The following ICE1 variants were observed in gnomAD, a reference collection of about 807,000 sequenced individuals.
ICE1 encodes the protein interactor of little elongation complex ELL subunit 1, also known as little elongation complex subunit 1.
A neutral mutation model predicts 192.7 loss-of-function variants in ICE1; 64 were observed. The observed-to-expected ratio is 0.33, with a 90% CI of 0.27 to 0.41. ICE1 has a LOEUF of 0.41. ICE1 is among the 10% of genes least tolerant of loss of function. The probability of loss-of-function intolerance (pLI) is 1.00; values close to 1 mark genes in which losing one functional copy is unlikely to be tolerated. For missense variants in ICE1, 2,708 were observed against 2,696.0 expected (o/e 1.00, Z -0.10); for synonymous variants, 1,010 against 984.5 (o/e 1.03, Z -0.49).
rs1355728417 is a variant in ICE1, at chr5:5,443,061, C to T, written c.310-107C>T. On this transcript the variant is annotated intron_variant, in intron 5 of 18. Coordinates refer to ENST00000296564, the MANE Select transcript of ICE1 (RefSeq NM_015325.3). Reference sequence around the variant, plus strand: ...AATATTCAGTGACTATTTTTTCTGCCTAATGTCTGTTTATTTGGTTAATAG... The same window carrying T: ...AATATTCAGTGACTATTTTTTCTGCTTAATGTCTGTTTATTTGGTTAATAG... 6 of 613,816 alleles carry T rather than the reference C, an allele frequency of 9.8e-6. No homozygotes were observed. The South Asian group carries it at 1.2e-4, about 12-fold the overall frequency. The allele number at this position is 613,816 out of a possible 1,614,324, so 38.0% of individuals were successfully genotyped here. A position where few individuals can be genotyped will look rare whatever the true frequency, so the allele number is the denominator to read the frequency against.
At chr5:5,427,081 C>T (rs1010189785) in intron 1 of ICE1, among the ~76,000 whole-genome samples, 5 of 152,134 alleles carry the variant, frequency 3.3e-5, no homozygotes, top group Non-Finnish European at 7.4e-5. Flanking sequence ...ATTTCTTAAT[C>T]CTCCCTGTCC....
rs370153380 is a variant in ICE1, at chr5:5,479,944, G to C, written c.6520+3865G>C. Among the ~76,000 whole-genome samples, 6 of 152,262 alleles carry C rather than the reference G, an allele frequency of 3.9e-5. No homozygotes were observed. In the South Asian group the frequency reaches 1.2e-3, roughly 32 times the overall value. ...CACACTGGGGCCTGTCGGGGCATGG[G>C]GGGTAAGGGGAGGGAGAGCATTAGG... On this transcript the variant is annotated intron_variant, in intron 17 of 18. Transcript: ENST00000296564.
At position 5,461,554 on chromosome 5, in the gene ICE1, G is replaced by T; in HGVS notation, c.2220G>T (p.Arg740=). 1 of 1,613,110 alleles carries T rather than the reference G, an allele frequency of 6.2e-7. No homozygotes were observed. The highest frequency in any genetic ancestry group is 8.5e-7 in the Non-Finnish European group (1 of 1,179,482). The change falls in exon 13 of 19, where the codon CGG becomes CGT. Residue 740 remains arginine (R), a synonymous_variant. Coordinates refer to ENST00000296564, the MANE Select transcript of ICE1 (RefSeq NM_015325.3). ...TGACCAAAATACATTCACTTCCTCG[G>T]TCAGTATTTATGAAAGCTACAAAAG... is the stretch of plus-strand genomic sequence containing the variant. ...KGLTKIHSLP[R]SVFMKATKDG...
At chr5:5,458,373 C>T (rs1738648693) in intron 12 of ICE1, among the ~76,000 whole-genome samples, 1 of 152,122 alleles carries the variant, frequency 6.6e-6, no homozygotes, top group Admixed American at 6.5e-5. Context: ...GATGCCATTG[C>T]CTCTCAGTGG....
In ICE1 at chr5:5,462,846, C is replaced by G. The variant is rs761534137; in HGVS notation, c.3512C>G (p.Ser1171Cys). The G allele has an allele frequency of 5.0e-6, 8 of 1,609,176 alleles. No individual in the cohort carries two copies. In the South Asian group the frequency reaches 7.8e-5, roughly 16 times the overall value. Reference sequence around the variant, plus strand: ...ACTTTTTCTGAGCTGGATAGACTTTCCACATCAGAGGTTGTGATGTTTCTT... The same window carrying G: ...ACTTTTTCTGAGCTGGATAGACTTTGCACATCAGAGGTTGTGATGTTTCTT... ...ISTFSELDRL[S>C]TSEVVMFLES... The change falls in exon 13 of 19, where the codon TCC becomes TGC. Residue 1171 changes from serine (S) to cysteine (C), a missense_variant. Physicochemically the swap from Ser to Cys is moderately radical, Grantham distance 112. Around this residue, in one of 2 missense-constraint regions of ICE1, gnomAD observed 2,366 missense variants for 2,276.6 expected, o/e 1.04. Coordinates refer to ENST00000296564, the MANE Select transcript of ICE1 (RefSeq NM_015325.3).
At position 5,490,183 on chromosome 5, in the gene ICE1, A is replaced by G. The variant is rs555907092; in HGVS notation, c.*853A>G. 7 of 152,084 alleles carry G rather than the reference A, an allele frequency of 4.6e-5. No individual in the cohort carries two copies. The East Asian group carries it at 1.2e-3, about 25-fold the overall frequency. The allele number at this position is 152,084 out of a possible 1,614,324, so 9.4% of individuals were successfully genotyped here. A position where few individuals can be genotyped will look rare whatever the true frequency, so the allele number is the denominator to read the frequency against. ...ATTCGTTATTTCTTAAAACTCTTGT[A>G]TGTGTTTTTATAATAAAAAATAAAA... On this transcript the variant is annotated 3_prime_UTR_variant, in exon 19 of 19. Transcript: ENST00000296564.
chr5:5,440,014 T>C (rs1737990514), intron 4 of ICE1, 101 bp downstream of exon 4: 2 of 680,264 alleles, frequency 2.9e-6, no homozygotes, highest in Non-Finnish European at 4.9e-6. Context: ...TTGAGCAAAA[T>C]GTACATAGGA....
At chr5:5,449,890 A>G (rs930026042) in intron 10 of ICE1, among the ~76,000 whole-genome samples, 2 of 152,182 alleles carry the variant, frequency 1.3e-5, no homozygotes, top group Admixed American at 1.3e-4. Flanking sequence ...TTCCCAGAAA[A>G]CAAGATGTTT....
At chr5:5,456,381 TTTTA>T (rs1738580509) in intron 11 of ICE1, among the ~76,000 whole-genome samples, 2 of 152,242 alleles carry the variant, frequency 1.3e-5, no homozygotes. Context: ...AATAGTGATT[TTTTA>T]TTTGTCTCAT....
intron 1 of ICE1, among the ~76,000 whole-genome samples, chr5:5,424,309 A>G (rs1284586136): frequency 1.3e-5 from 2 of 152,124 alleles, no homozygotes; most frequent in Non-Finnish European, 2.9e-5. Context: ...TGCTTTTGTG[A>G]GTAGAAGGAG....
At position 5,482,017 on chromosome 5, in the gene ICE1, A is replaced by G. The variant is rs930544794; in HGVS notation, c.6521-4704A>G. On this transcript the variant is annotated intron_variant, in intron 17 of 18. Transcript: ENST00000296564. The stretch of plus-strand genomic sequence containing the variant: ...ACTAAGCGACCTGTGACTGTACTTT[A>G]CCTTTCATTTAGATGTCACAAAACT... 1.3e-5 allele frequency among the ~76,000 whole-genome samples: 2 copies of G among 152,206 alleles called. 1 individual carries two copies. The highest frequency in any genetic ancestry group is 6.3e-3 in the Middle Eastern group (2 of 316).
intron 6 of ICE1, among the ~76,000 whole-genome samples, chr5:5,443,680 A>C (rs1264793488): frequency 6.6e-6 from 1 of 152,170 alleles, no homozygotes; most frequent in Admixed American, 6.5e-5. Flanking sequence ...TGGAATGGGT[A>C]TCTTTGCTAC....
intron 10 of ICE1, 32 bp downstream of exon 10, chr5:5,447,929 G>A (rs1458449744): frequency 1.3e-6 from 2 of 1,502,404 alleles, no homozygotes; most frequent in Admixed American, 2.0e-5. Context: ...TTTTAATGTT[G>A]TGTATTGCTC....
chr5:5,479,083 C>T (rs985200214), intron 17 of ICE1, among the ~76,000 whole-genome samples: 1 of 152,232 alleles, frequency 6.6e-6, no homozygotes, highest in African/African-American at 2.4e-5. Flanking sequence ...GCAACAAAAA[C>T]CTGAATTGAC....
intron 1 of ICE1, among the ~76,000 whole-genome samples, chr5:5,433,959 A>T (rs560573584): frequency 6.6e-6 from 1 of 152,210 alleles, no homozygotes; most frequent in South Asian, 2.1e-4. Flanking sequence ...CCTAAGTAGG[A>T]TATTGGGGAA....
rs1739732002 is a variant in ICE1 at position 5,489,553 on chromosome 5, T to A, written c.*223T>A. The A allele has an allele frequency of 1.4e-5, 6 of 435,876 alleles. No individual in the cohort carries two copies. Among genetic ancestry groups the A allele is most frequent in the Admixed American group, 4.0e-5 (1 of 24,722 alleles). The allele number at this position is 435,876 out of a possible 1,614,324, so 27.0% of individuals were successfully genotyped here. A position where few individuals can be genotyped will look rare whatever the true frequency, so the allele number is the denominator to read the frequency against. On this transcript the variant is annotated 3_prime_UTR_variant, in exon 19 of 19. Coordinates refer to ENST00000296564, the MANE Select transcript of ICE1 (RefSeq NM_015325.3). ...TACGTTTCACTTAAGGCTGTTGTGA[T>A]CTGTGACATATGGGTTATATTATTG... is the stretch of plus-strand genomic sequence containing the variant.
rs1266858570 is a variant in ICE1, at chr5:5,460,445, T to A, written c.1111T>A (p.Phe371Ile). 9 of 1,564,880 alleles carry A rather than the reference T, an allele frequency of 5.8e-6. No homozygotes were observed. Among genetic ancestry groups the A allele is most frequent in the Non-Finnish European group, 7.8e-6 (9 of 1,154,138 alleles). ...LPSSFAPETY[F>I]GEYTDSSDND... is the part of the protein sequence containing the mutation. ...ATTCATATTTTTTAAGGAAACCTAC[T>A]TTGGAGAATACACAGATTCCAGCGA... The change falls in exon 13 of 19, where the codon TTT becomes ATT. Residue 371 changes from phenylalanine to isoleucine, a missense_variant. Phe to Ile is a conservative substitution (Grantham distance 21). Around this residue, in one of 2 missense-constraint regions of ICE1, gnomAD observed 2,366 missense variants for 2,276.6 expected, o/e 1.04. Coordinates refer to ENST00000296564, the MANE Select transcript of ICE1 (RefSeq NM_015325.3).
At chr5:5,424,374 CCCCCCG>C (rs1359075084) in intron 1 of ICE1, among the ~76,000 whole-genome samples, 1 of 151,950 alleles carries the variant, frequency 6.6e-6, no homozygotes, top group Non-Finnish European at 1.5e-5. Flanking sequence ...CTTATAACGC[CCCCCCG>C]CCCCCGCCAC....
At chr5:5,455,686 A>G (rs561809366) in intron 11 of ICE1, among the ~76,000 whole-genome samples, 154 of 152,320 alleles carry the variant, frequency 1.0e-3, no homozygotes, top group African/African-American at 3.3e-3. Flanking sequence ...ACCATAAGAC[A>G]TATTCTTTTG....
Sources: allele counts gnomAD v4.1 joint callset (sites outside exome capture counted in the v4.1 genomes callset), GRCh38; gene constraint gnomAD v4.1.1; regional missense constraint gnomAD v4.1.1; transcripts MANE v1.5; gene names NCBI Gene and HGNC (gene_info 2026-07-23, HGNC 2026-07-21).